Variants in RAP1GDS1 observed in about 807,000 individuals in gnomAD.
The protein encoded by RAP1GDS1 is Rap1 GTPase-GDP dissociation stimulator 1.
RAP1GDS1 carries 35 observed loss-of-function variants against 71.1 expected under a neutral mutation model. That is an observed-to-expected ratio of 0.49 (90% CI 0.38 to 0.65). The LOEUF is 0.65. RAP1GDS1 is among the 30% of genes least tolerant of loss of function. RAP1GDS1 has a pLI of 0.00. For missense variants in RAP1GDS1, 663 were observed against 706.1 expected (o/e 0.94, Z 0.69); for synonymous variants, 229 against 243.1 (o/e 0.94, Z 0.54).
At chr4:98,391,908 T>C in intron 5 of RAP1GDS1, 44 bp from the exon 6 acceptor site, 1 of 1,531,588 alleles carries the variant, frequency 6.5e-7, no homozygotes, top group African/African-American at 1.4e-5. Context: ...ATTTGACATG[T>C]CAACACTTTC....
intron 12 of RAP1GDS1, among the ~76,000 whole-genome samples, chr4:98,423,566 CAG>C (rs1219268289): frequency 2.0e-5 from 3 of 151,898 alleles, no homozygotes; most frequent in East Asian, 3.9e-4. Context: ...TTTTTTGAGA[CAG>C]AGTTTCGCTC....
intron 2 of RAP1GDS1, among the ~76,000 whole-genome samples, chr4:98,315,943 G>T (rs1211285762): frequency 6.6e-6 from 1 of 152,108 alleles, no homozygotes. Flanking sequence ...GAGTTCCAGG[G>T]CCTAGGAAAT....
intron 13 of RAP1GDS1, among the ~76,000 whole-genome samples, chr4:98,434,728 C>A (rs533273613): frequency 6.6e-6 from 1 of 150,578 alleles, no homozygotes; most frequent in East Asian, 2.0e-4. Context: ...TCAAGCAATT[C>A]TCGTGCCTCA....
At chr4:98,261,665 T>A (rs1351299364) in intron 1 of RAP1GDS1, 96 bp downstream of exon 1, 1 of 1,434,574 alleles carries the variant, frequency 7.0e-7, no homozygotes, top group African/African-American at 1.4e-5. Flanking sequence ...GTTGCCGGAT[T>A]TCTCCAGTCC....
intron 1 of RAP1GDS1, among the ~76,000 whole-genome samples, chr4:98,268,116 C>G (rs950380030): frequency 6.6e-6 from 1 of 152,026 alleles, no homozygotes; most frequent in Non-Finnish European, 1.5e-5. Context: ...GAGGATCATA[C>G]GTCATGATCA....
chr4:98,328,756 C>T (rs541856051), intron 2 of RAP1GDS1, among the ~76,000 whole-genome samples: 12 of 152,298 alleles, frequency 7.9e-5, no homozygotes, highest in South Asian at 4.1e-4. Context: ...GATCTGAGCT[C>T]ACTGCAACCT....
chr4:98,404,490 A>G lies in RAP1GDS1; in HGVS notation c.651A>G (p.Glu217=), dbSNP rs764619055. The part of the protein sequence containing the change: ...GNLAELESSK[E]QFASTNIAEE... ...TTTATTTTACAGAGTCAAGTAAAGA[A>G]CAGTTTGCCAGTACAAACATTGCTG... is the stretch of plus-strand genomic sequence containing the variant. The change falls in exon 7 of 15, where the codon GAA becomes GAG. Residue 217 remains glutamate, a synonymous_variant. Transcript: ENST00000408927. The G allele has an allele frequency of 6.3e-7, 1 of 1,598,966 alleles. No individual in the cohort carries two copies. The highest frequency in any genetic ancestry group is 8.5e-7 in the Non-Finnish European group (1 of 1,175,448).
At chr4:98,383,561 G>T (rs189294393) in intron 5 of RAP1GDS1, among the ~76,000 whole-genome samples, 10 of 151,068 alleles carry the variant, frequency 6.6e-5, no homozygotes, top group Admixed American at 4.6e-4. Context: ...TTTATTTGTC[G>T]CATGGGCTGA....
rs377069700 is a variant in RAP1GDS1, at chr4:98,340,865, C to T, written c.113-2274C>T. ...TGAAGGGAACAGCAGACACTGGGACCTACTTGAGGAGGGAGGGTGGGAGGA... is the reference window on the plus strand; with the variant it reads ...TGAAGGGAACAGCAGACACTGGGACTTACTTGAGGAGGGAGGGTGGGAGGA... On this transcript the variant is annotated intron_variant, in intron 2 of 14. Transcript: ENST00000408927. Among the ~76,000 whole-genome samples, 7 of 151,960 alleles carry T rather than the reference C, an allele frequency of 4.6e-5. No homozygotes were observed. In the East Asian group the frequency reaches 1.4e-3, roughly 29 times the overall value.
At chr4:98,316,051 ATACT>A (rs72075723) in intron 2 of RAP1GDS1, among the ~76,000 whole-genome samples, 11,220 of 152,224 alleles carry the variant, frequency 0.074, 444 homozygotes, top group Admixed American at 0.14. Flanking sequence ...ACCAGGTAAC[ATACT>A]TAATAACATA....
chr4:98,262,354 C>G (rs1017362741), intron 1 of RAP1GDS1, among the ~76,000 whole-genome samples: 1 of 152,354 alleles, frequency 6.6e-6, no homozygotes, highest in Non-Finnish European at 1.5e-5. Flanking sequence ...CCTGTCTAAT[C>G]TGCATAATCT....
intron 2 of RAP1GDS1, among the ~76,000 whole-genome samples, chr4:98,299,059 C>T (rs1378757970): frequency 6.6e-6 from 1 of 152,154 alleles, no homozygotes; most frequent in Non-Finnish European, 1.5e-5. Flanking sequence ...CTTTCCCCAG[C>T]CCCCTACCCT....
chr4:98,413,855 A>G (rs1370195034), intron 7 of RAP1GDS1, among the ~76,000 whole-genome samples: 3 of 150,982 alleles, frequency 2.0e-5, no homozygotes, highest in Admixed American at 6.6e-5. Flanking sequence ...AAGTGTTCCT[A>G]TTTCTCCACA....
At chr4:98,413,723 G>C (rs1747461972) in intron 7 of RAP1GDS1, among the ~76,000 whole-genome samples, 1 of 151,992 alleles carries the variant, frequency 6.6e-6, no homozygotes, top group South Asian at 2.1e-4. Context: ...ATAGTCATTT[G>C]GGTATATACC....
chr4:98,352,419 G>T, intron 3 of RAP1GDS1, 57 bp from the exon 4 acceptor site: 1 of 1,569,332 alleles, frequency 6.4e-7, no homozygotes, highest in South Asian at 1.1e-5. Context: ...TAGGGGAGAT[G>T]ATTTATGTAA....
intron 9 of RAP1GDS1, 56 bp from the exon 10 acceptor site, chr4:98,418,601 A>C: frequency 2.1e-6 from 3 of 1,456,500 alleles, no homozygotes; most frequent in Non-Finnish European, 1.8e-6. Context: ...TCAGTATTAT[A>C]AAGTATTTAT....
chr4:98,429,716 G>A (rs1323523741), intron 12 of RAP1GDS1, among the ~76,000 whole-genome samples: 4 of 152,110 alleles, frequency 2.6e-5, no homozygotes, highest in South Asian at 2.1e-4. Context: ...GTTGGGCCAC[G>A]TTCAAAATCA....
At chr4:98,284,984 G>T (rs990944773) in intron 1 of RAP1GDS1, among the ~76,000 whole-genome samples, 6 of 152,168 alleles carry the variant, frequency 3.9e-5, no homozygotes, top group African/African-American at 1.4e-4. Flanking sequence ...CTGCATCAAG[G>T]CTGTAGATTT....
intron 2 of RAP1GDS1, among the ~76,000 whole-genome samples, chr4:98,296,112 CTAAAA>C (rs1204226461): frequency 6.6e-6 from 1 of 151,846 alleles, no homozygotes; most frequent in Non-Finnish European, 1.5e-5. Context: ...GGTGTTTTAA[CTAAAA>C]ATAACAACTG....
Sources: allele counts gnomAD v4.1 joint callset (sites outside exome capture counted in the v4.1 genomes callset), GRCh38; gene constraint gnomAD v4.1.1; transcripts MANE v1.5; gene names NCBI Gene and HGNC (gene_info 2026-07-23, HGNC 2026-07-21).